ANKRD37: variants seen among roughly 807,000 people sequenced by gnomAD.
ANKRD37 encodes ankyrin repeat domain-containing protein 37.
Under a neutral mutation model 19.7 loss-of-function variants are expected in ANKRD37, and 17 were observed. The ratio of observed to expected loss-of-function variants is 0.86; its 90% CI spans 0.59 to 1.29. The LOEUF is 1.29. Among genes scored for constraint, ANKRD37 ranks in the 50% most tolerant of loss-of-function variants. The pLI is 0.00. For missense variants in ANKRD37, 207 were observed against 190.4 expected (o/e 1.09, Z -0.51); for synonymous variants, 79 against 74.5 (o/e 1.06, Z -0.31).
downstream of ANKRD37, chr4:185,400,412 G>T: frequency 2.5e-6 from 4 of 1,613,390 alleles, no homozygotes; most frequent in Non-Finnish European, 3.4e-6. Context: ...TTTGGTCGCT[G>T]AGGAAGACAT....
At chr4:185,398,893 A>G (rs1391329743) in intron 2 of ANKRD37, 44 bp from the exon 3 acceptor site, 2 of 1,511,890 alleles carry the variant, frequency 1.3e-6, no homozygotes, top group Non-Finnish European at 1.8e-6. Context: ...ACTTTCACAA[A>G]AAGTGTTTTT....
Position 185,400,124 on chromosome 4 carries a change from A to G in ANKRD37, c.*107A>G. 9.1e-7 allele frequency: 1 copy of G among 1,096,972 alleles called. No individual in the cohort carries two copies. Among genetic ancestry groups the G allele is most frequent in the Non-Finnish European group, 1.3e-6 (1 of 753,488 alleles). The allele number at this position is 1,096,972 out of a possible 1,614,324, so 68.0% of individuals were successfully genotyped here. A position where few individuals can be genotyped will look rare whatever the true frequency, so the allele number is the denominator to read the frequency against. On this transcript the variant is annotated 3_prime_UTR_variant, in exon 5 of 5. Coordinates refer to ENST00000335174, the MANE Select transcript of ANKRD37 (RefSeq NM_181726.4). ...TGTTGTGTCTAATCTCCTTCTGAGA[A>G]GGACGAAAAACTTTCTTCCAAGTGA...
chr4:185,399,864 T>C, intron 4 of ANKRD37, 91 bp downstream of exon 4: 1 of 1,563,288 alleles, frequency 6.4e-7, no homozygotes, highest in South Asian at 1.2e-5. Flanking sequence ...GACACTCGTA[T>C]TTCTAGTAGT....
At chr4:185,399,108 G>T in intron 3 of ANKRD37, 80 bp downstream of exon 3, 3 of 1,202,768 alleles carry the variant, frequency 2.5e-6, no homozygotes, top group Non-Finnish European at 3.6e-6. Flanking sequence ...AGTTACATGT[G>T]CTTTTAAAAA....
chr4:185,400,524 G>A (rs776156763), downstream of ANKRD37: 6 of 1,440,008 alleles, frequency 4.2e-6, no homozygotes, highest in Admixed American at 5.5e-5. Flanking sequence ...AAAGTTACAA[G>A]ATTATGTCAT....
chr4:185,398,036 C>T (rs1035593750), intron 2 of ANKRD37, among the ~76,000 whole-genome samples: 5 of 152,228 alleles, frequency 3.3e-5, no homozygotes, highest in Non-Finnish European at 7.3e-5. Flanking sequence ...CGGCTCACTG[C>T]AACCTCTGCT....
At chr4:185,397,005 G>A in intron 1 of ANKRD37, 55 bp downstream of exon 1, 1 of 1,611,940 alleles carries the variant, frequency 6.2e-7, no homozygotes, top group Non-Finnish European at 8.5e-7. Flanking sequence ...CAAGCTTCTA[G>A]ATTCGTCTTC....
At position 185,397,156 on chromosome 4, in the gene ANKRD37, G is replaced by A; in HGVS notation, c.34G>A (p.Gly12Ser). The A allele has an allele frequency of 6.2e-7, 1 of 1,613,428 alleles. No individual in the cohort carries two copies. The highest frequency in any genetic ancestry group is 2.2e-5 in the East Asian group (1 of 44,880). ...LLLDCNPEVD[G>S]LKHLLETGAS... is the part of the protein sequence containing the mutation. ...ATCTGTTCTCTTCCTGCAGGTGGAT[G>A]GTCTGAAGCATTTGCTGGAGACAGG... The change falls in exon 2 of 5, where the codon GGT becomes AGT. Residue 12 changes from glycine (G) to serine (S), a missense_variant. By Grantham distance (56) the Gly-to-Ser change is moderately conservative (BLOSUM62 0). Transcript: ENST00000335174.
At chr4:185,397,644 G>T in intron 2 of ANKRD37, 1 of 238,944 alleles carries the variant, frequency 4.2e-6, no homozygotes, top group Non-Finnish European at 8.3e-6. Flanking sequence ...TTCACAATCT[G>T]GTGTGACAGC....
At chr4:185,399,446 T>G (rs2095510386) in intron 3 of ANKRD37, 124 bp from the exon 4 acceptor site, 2 of 997,078 alleles carry the variant, frequency 2.0e-6, no homozygotes, top group Non-Finnish European at 3.0e-6. Flanking sequence ...AATTTCCTTA[T>G]GCATCCTTTA....
Position 185,397,212 on chromosome 4 carries a change from C to T in ANKRD37, c.90C>T (p.Cys30=), listed in dbSNP as rs1180999792. 1 of 1,614,106 alleles carries T rather than the reference C, an allele frequency of 6.2e-7. No individual in the cohort carries two copies. Among genetic ancestry groups the T allele is most frequent in the South Asian group, 1.1e-5 (1 of 91,084 alleles). Residue 30 remains cysteine (C), a synonymous_variant, in exon 2 of 5, where the codon TGC becomes TGT. Coordinates refer to ENST00000335174, the MANE Select transcript of ANKRD37 (RefSeq NM_181726.4). ...GASVNAPPDP[C]KQSPVHLAAG... ...CGGTCAACGCACCCCCGGATCCCTG[C>T]AAGCAGTCGCCTGTCCACTTAGCCG... is the stretch of plus-strand genomic sequence containing the variant.
downstream of ANKRD37, chr4:185,400,699 A>G (rs916996824): frequency 1.8e-5 from 7 of 389,164 alleles, no homozygotes; most frequent in Admixed American, 3.0e-4. Context: ...CATCATAAAA[A>G]TCATTAAAAA....
rs1050902374 is a variant in ANKRD37, at chr4:185,396,887, A to G, written c.-37A>G. ...TGCGGCGAGTGTCTCACCTCTCTGC[A>G]CTTCCAAGGACTCTTGTCATCTGCC... is the stretch of plus-strand genomic sequence containing the variant. On this transcript the variant is annotated 5_prime_UTR_variant, in exon 1 of 5. Coordinates refer to ENST00000335174, the MANE Select transcript of ANKRD37 (RefSeq NM_181726.4). The G allele has an allele frequency of 6.2e-7, 1 of 1,611,688 alleles. No individual in the cohort carries two copies. Among genetic ancestry groups the G allele is most frequent in the Non-Finnish European group, 8.5e-7 (1 of 1,179,394 alleles).
chr4:185,400,205 C>T lies in ANKRD37; in HGVS notation c.*188C>T, dbSNP rs1419442577. The T allele has an allele frequency of 1.3e-5, 9 of 702,880 alleles. No individual in the cohort carries two copies. Among genetic ancestry groups the T allele is most frequent in the Non-Finnish European group, 2.1e-5 (9 of 429,828 alleles). 43.5% of individuals were successfully genotyped at this position (702,880 alleles called of 1,614,324 possible). On this transcript the variant is annotated 3_prime_UTR_variant, in exon 5 of 5. Transcript: ENST00000335174. The stretch of plus-strand genomic sequence containing the variant: ...GCCTATAATATGCTGGTTGTGTATG[C>T]TTTGTCTTTTAAGTTATTAAAGGAA...
rs751602207 is a variant in ANKRD37 at position 185,400,014 on chromosome 4, CAG to C, written c.*-1_477del. 2.4e-5 allele frequency: 39 copies of C among 1,601,898 alleles called. 1 individual carries two copies. In the South Asian group the frequency reaches 4.0e-4, roughly 16 times the overall value. On this transcript the variant is annotated splice_acceptor_variant, in intron 4 of 4. Coordinates refer to ENST00000335174, the MANE Select transcript of ANKRD37 (RefSeq NM_181726.4). LOFTEE classifies it high-confidence loss of function. The stretch of plus-strand genomic sequence containing the variant: ...TTTAATGTTAACGTGTTTTTAAAAA[CAG>C]ATGTCACGTGGGTTATGAAGAAGTC...
Position 185,397,220 on chromosome 4 carries a change from C to CGCCT in ANKRD37, c.100_103dup (p.Val35AlafsTer23), listed in dbSNP as rs764272251. ...GCACCCCCGGATCCCTGCAAGCAGT[C>CGCCT]GCCTGTCCACTTAGCCGCAGGAAGC... is the stretch of plus-strand genomic sequence containing the variant. On this transcript the variant is annotated frameshift_variant, in exon 2 of 5. Transcript: ENST00000335174. LOFTEE classifies it high-confidence loss of function. The CGCCT allele has an allele frequency of 1.2e-6, 2 of 1,614,108 alleles. No homozygotes were observed. The highest frequency in any genetic ancestry group is 1.7e-6 in the Non-Finnish European group (2 of 1,180,024).
chr4:185,398,912 C>G, intron 2 of ANKRD37, 25 bp from the exon 3 acceptor site: 1 of 1,597,868 alleles, frequency 6.3e-7, no homozygotes, highest in Non-Finnish European at 8.6e-7. Flanking sequence ...TTGGGAGACT[C>G]TAAAATGCAC....
rs920507891 is a variant in ANKRD37, at chr4:185,399,143, A to G, written c.272+115A>G. 5.7e-6 allele frequency: 5 copies of G among 873,810 alleles called. No individual in the cohort carries two copies. The African/African-American group carries it at 6.8e-5, about 12-fold the overall frequency. 54.1% of individuals were successfully genotyped at this position (873,810 alleles called of 1,614,324 possible). On this transcript the variant is annotated intron_variant, in intron 3 of 4. Transcript: ENST00000335174. ...ATAATGCTTGCGTAATTGATAATTT[A>G]GTGTTAATCATTTAAATGTTAACTT...
intron 1 of ANKRD37, 83 bp downstream of exon 1, chr4:185,397,033 GA>G: frequency 6.2e-7 from 1 of 1,610,106 alleles, no homozygotes; most frequent in Non-Finnish European, 8.5e-7. Flanking sequence ...TGCGGGGACG[GA>G]CCACTGGGCG....
Sources: allele counts gnomAD v4.1 joint callset (sites outside exome capture counted in the v4.1 genomes callset), GRCh38; gene constraint gnomAD v4.1.1; transcripts MANE v1.5; gene names NCBI Gene and HGNC (gene_info 2026-07-23, HGNC 2026-07-21).